TC2N: variants seen among roughly 807,000 people sequenced by gnomAD.
TC2N encodes the protein tandem C2 domains, nuclear.
In TC2N, 51 loss-of-function variants were observed where a neutral mutation model predicts 61.9. That is an observed-to-expected ratio of 0.82 (90% CI 0.66 to 1.04). The LOEUF is 1.04. TC2N is among the 50% of genes least tolerant of loss of function. The pLI is 0.00. For missense variants in TC2N, 556 were observed against 566.7 expected (o/e 0.98, Z 0.19); for synonymous variants, 204 against 192.6 (o/e 1.06, Z -0.49).
rs1888065634 is a variant in TC2N at position 91,837,394 on chromosome 14, A to T, written c.-56-23569T>A. Among the ~76,000 whole-genome samples, 1 of 151,896 alleles carries T rather than the reference A, an allele frequency of 6.6e-6. No individual in the cohort carries two copies. Among genetic ancestry groups the T allele is most frequent in the South Asian group, 2.1e-4 (1 of 4,822 alleles). On this transcript the variant is annotated intron_variant, in intron 1 of 11. Transcript: ENST00000435962. The surrounding 1 kb of genome is among the most constrained non-coding windows in gnomAD (Gnocchi z 4.2). ...GCCAGCATGCCAGGCTAATTTTTTAATTTTTTGTAGAGATGAAGTCTTATT... is the reference window on the plus strand; with the variant it reads ...GCCAGCATGCCAGGCTAATTTTTTATTTTTTTGTAGAGATGAAGTCTTATT...
chr14:91,853,136 GCTACT>G (rs138887530), intron 1 of TC2N, among the ~76,000 whole-genome samples: 2,890 of 152,252 alleles, frequency 0.019, 97 homozygotes, highest in African/African-American at 0.066. Flanking sequence ...AACATTTGCT[GCTACT>G]CTAAATAGGC....
intron 1 of TC2N, among the ~76,000 whole-genome samples, chr14:91,861,955 T>A (rs1445099710): frequency 6.6e-6 from 1 of 151,210 alleles, no homozygotes; most frequent in Non-Finnish European, 1.5e-5. Flanking sequence ...TATGTATATG[T>A]GTGTATATGT....
At position 91,792,576 on chromosome 14, in the gene TC2N, A is replaced by G; in HGVS notation, c.856-18T>C. The G allele has an allele frequency of 7.6e-7, 1 of 1,309,998 alleles. No individual in the cohort carries two copies. The highest frequency in any genetic ancestry group is 1.0e-6 in the Non-Finnish European group (1 of 957,682). The allele number at this position is 1,309,998 out of a possible 1,614,324, so 81.1% of individuals were successfully genotyped here. On this transcript the variant is annotated intron_variant, in intron 8 of 11. Coordinates refer to ENST00000435962, the MANE Select transcript of TC2N (RefSeq NM_001128596.3). Reference sequence around the variant, plus strand: ...TCAATAGCCTTAAAAAAAAAACAAGAAAACATAAAATATATAAATAAAAGG... The same window carrying G: ...TCAATAGCCTTAAAAAAAAAACAAGGAAACATAAAATATATAAATAAAAGG...
chr14:91,798,445 T>C, intron 6 of TC2N, 46 bp from the exon 7 acceptor site: 2 of 1,022,182 alleles, frequency 2.0e-6, no homozygotes, highest in East Asian at 5.0e-5. Context: ...ATGCAATCCT[T>C]CTAACCCAAT....
rs1177870869 is a variant in TC2N at position 91,780,247 on chromosome 14, A to G, written c.*2853T>C. ...TTATTACAAATTTCTGAAATCCTTC[A>G]TAAGCAAGTATTTGATTAAACAAAA... On this transcript the variant is annotated 3_prime_UTR_variant, in exon 12 of 12. Coordinates refer to ENST00000435962, the MANE Select transcript of TC2N (RefSeq NM_001128596.3). The G allele has an allele frequency of 1.3e-5, 2 of 152,232 alleles. No individual in the cohort carries two copies. Among genetic ancestry groups the G allele is most frequent in the Admixed American group, 1.3e-4 (2 of 15,276 alleles). 9.4% of individuals were successfully genotyped at this position (152,232 alleles called of 1,614,324 possible). A position where few individuals can be genotyped will look rare whatever the true frequency, so the allele number is the denominator to read the frequency against.
At chr14:91,807,378 C>T (rs561516414) in intron 3 of TC2N, among the ~76,000 whole-genome samples, 119 of 152,318 alleles carry the variant, frequency 7.8e-4, no homozygotes, top group African/African-American at 2.6e-3. Context: ...ATACTCAACA[C>T]CAGCCCGTGA....
intron 1 of TC2N, among the ~76,000 whole-genome samples, chr14:91,846,344 G>A (rs923040827): frequency 6.6e-6 from 1 of 152,168 alleles, no homozygotes; most frequent in Non-Finnish European, 1.5e-5. Context: ...TCATCGTGGA[G>A]AGGACCAAGA....
chr14:91,823,968 A>T (rs1887380197), intron 1 of TC2N, among the ~76,000 whole-genome samples: 1 of 152,212 alleles, frequency 6.6e-6, no homozygotes, highest in South Asian at 2.1e-4. Context: ...ATAAAGTATA[A>T]AACTAGTGGT....
chr14:91,853,435 G>A (rs11160029), intron 1 of TC2N, among the ~76,000 whole-genome samples: 74,326 of 151,888 alleles, frequency 0.49, 18,513 homozygotes, highest in African/African-American at 0.57. Context: ...TGCGATAATG[G>A]CATTCTGAAC....
chr14:91,821,869 A>T (rs891115973), intron 1 of TC2N, among the ~76,000 whole-genome samples: 8 of 152,274 alleles, frequency 5.3e-5, no homozygotes, highest in African/African-American at 1.9e-4. Context: ...TCTCCAAAAA[A>T]ATCTACAAGT....
rs1236616397 is a variant in TC2N, at chr14:91,837,954, T to C, written c.-56-24129A>G. ...AAGTTGTGCACTGTTCACACAAAAC[T>C]TTCATGAGTCATCTCATTTAATCCT... On this transcript the variant is annotated intron_variant, in intron 1 of 11. Transcript: ENST00000435962. The surrounding 1 kb of genome is among the most constrained non-coding windows in gnomAD (Gnocchi z 4.2). 6.6e-6 allele frequency among the ~76,000 whole-genome samples: 1 copy of C among 152,198 alleles called. No homozygotes were observed. Among genetic ancestry groups the C allele is most frequent in the African/African-American group, 2.4e-5 (1 of 41,450 alleles).
chr14:91,801,309 C>A (rs1398050586), intron 4 of TC2N, among the ~76,000 whole-genome samples: 1 of 151,972 alleles, frequency 6.6e-6, no homozygotes, highest in African/African-American at 2.4e-5. Context: ...TATCTATGTA[C>A]AAATAGCTGT....
chr14:91,797,018 T>C (rs1308144663), intron 8 of TC2N, among the ~76,000 whole-genome samples: 2 of 152,052 alleles, frequency 1.3e-5, no homozygotes, highest in East Asian at 1.9e-4. Context: ...AGTTTCAAAG[T>C]AGAATTACTG....
At chr14:91,866,675 C>T (rs1888709493) in intron 1 of TC2N, 1 of 152,260 alleles carries the variant, frequency 6.6e-6, no homozygotes, top group African/African-American at 2.4e-5. Context: ...CAGCCCAGCT[C>T]CTGGATGGGG....
intron 1 of TC2N, among the ~76,000 whole-genome samples, chr14:91,852,423 C>T (rs1566790150): frequency 6.6e-6 from 1 of 151,906 alleles, no homozygotes. Flanking sequence ...AACAGTGAAA[C>T]TCCGTCTAAA....
At chr14:91,811,631 C>T (rs1390292510) in intron 3 of TC2N, among the ~76,000 whole-genome samples, 1 of 151,930 alleles carries the variant, frequency 6.6e-6, no homozygotes, top group Non-Finnish European at 1.5e-5. Flanking sequence ...TGATTACTAA[C>T]CAAATATTAG....
At chr14:91,847,899 T>G (rs539372017) in intron 1 of TC2N, among the ~76,000 whole-genome samples, 1 of 152,348 alleles carries the variant, frequency 6.6e-6, no homozygotes, top group East Asian at 1.9e-4. Context: ...TTGAGTGTTT[T>G]CCTTCCCTTT....
At chr14:91,794,889 G>A (rs1332103383) in intron 8 of TC2N, among the ~76,000 whole-genome samples, 1 of 152,090 alleles carries the variant, frequency 6.6e-6, no homozygotes, top group Non-Finnish European at 1.5e-5. Flanking sequence ...GATGGACCTG[G>A]GCAAAAGCAA....
chr14:91,853,916 TA>T (rs919383518), intron 1 of TC2N, among the ~76,000 whole-genome samples: 13 of 148,464 alleles, frequency 8.8e-5, no homozygotes, highest in African/African-American at 1.7e-4. Context: ...TTTATTGAAT[TA>T]AAAAAAAAAG....
Sources: allele counts gnomAD v4.1 joint callset (sites outside exome capture counted in the v4.1 genomes callset), GRCh38; gene constraint gnomAD v4.1.1; non-coding constraint Gnocchi (gnomAD v3.1); transcripts MANE v1.5; gene names NCBI Gene and HGNC (gene_info 2026-07-23, HGNC 2026-07-21).